DEFB119: variants seen among roughly 807,000 people sequenced by gnomAD.
DEFB119 encodes the protein beta-defensin 119.
A neutral mutation model predicts 2.5 loss-of-function variants in DEFB119; 3 were observed. That is an observed-to-expected ratio of 1.19 (90% CI 0.54 to 3.07). DEFB119 has a LOEUF of 3.07. Ranked by LOEUF, DEFB119 falls within the 30% of genes most tolerant of loss-of-function variation. The probability of loss-of-function intolerance (pLI) is 0.03; values close to 1 mark genes in which losing one functional copy is unlikely to be tolerated. For synonymous variants in DEFB119, 29 were observed against 33.7 expected (o/e 0.86, Z 0.48); for missense variants, 113 against 101.1 (o/e 1.12, Z -0.50).
chr20:31,378,239 AAC>A, intron 1 of DEFB119: 12 of 1,519,556 alleles, frequency 7.9e-6, no homozygotes, highest in Non-Finnish European at 1.1e-5. Flanking sequence ...ACACAGTAGT[AAC>A]AGGGCCACCA....
chr20:31,384,106 A>G (rs889584269), intron 1 of DEFB119, among the ~76,000 whole-genome samples: 6 of 152,220 alleles, frequency 3.9e-5, no homozygotes, highest in African/African-American at 1.4e-4. Context: ...ATACATTTAG[A>G]TATTTTCAAA....
In DEFB119 at chr20:31,390,522, G is replaced by C. The variant is rs1442293394; in HGVS notation, c.-39C>G. ...GAGAGGAGGAGGTGGCTGAGCTGCAGGGGAAGGAAATAGGGTTCCCTGCAG... is the reference window on the plus strand; with the variant it reads ...GAGAGGAGGAGGTGGCTGAGCTGCACGGGAAGGAAATAGGGTTCCCTGCAG... On this transcript the variant is annotated 5_prime_UTR_variant, in exon 1 of 2. Coordinates refer to ENST00000376321, the MANE Select transcript of DEFB119 (RefSeq NM_153289.4). 1 of 1,604,866 alleles carries C rather than the reference G, an allele frequency of 6.2e-7. No homozygotes were observed. Among genetic ancestry groups the C allele is most frequent in the Non-Finnish European group, 8.5e-7 (1 of 1,174,026 alleles).
chr20:31,383,795 A>T (rs1263606325), intron 1 of DEFB119, among the ~76,000 whole-genome samples: 1 of 151,954 alleles, frequency 6.6e-6, no homozygotes, highest in Non-Finnish European at 1.5e-5. Context: ...GTGAGCCGAG[A>T]TCCCACCACT....
intron 1 of DEFB119, among the ~76,000 whole-genome samples, chr20:31,384,537 A>G (rs1210331018): frequency 1.3e-5 from 2 of 152,244 alleles, no homozygotes; most frequent in Non-Finnish European, 2.9e-5. Context: ...TCTGAGAATC[A>G]AAGTGAAGGA....
At chr20:31,388,057 AAACT>A (rs1986778444) in intron 1 of DEFB119, 11 of 985,254 alleles carry the variant, frequency 1.1e-5, no homozygotes, top group Non-Finnish European at 1.2e-5. Context: ...TCAGGGTGAA[AAACT>A]AACTGTGTTG....
intron 1 of DEFB119, among the ~76,000 whole-genome samples, chr20:31,387,814 C>T (rs1040034693): frequency 2.0e-5 from 3 of 152,180 alleles, no homozygotes; most frequent in East Asian, 1.9e-4. Flanking sequence ...GGGAGGAGGG[C>T]AGGCAGAGGC....
chr20:31,384,464 A>G (rs1986616396), intron 1 of DEFB119, among the ~76,000 whole-genome samples: 1 of 152,210 alleles, frequency 6.6e-6, no homozygotes, highest in African/African-American at 2.4e-5. Flanking sequence ...TTAAGATAAA[A>G]AAAATTCACC....
In DEFB119 at chr20:31,386,106, C is replaced by T. The variant is rs554135877; in HGVS notation, c.61+4317G>A. ...GAGGGACAGTCATGGGAGGTGAAACCGGGTCACCACGTGAGGGCTTTGAAT... is the reference window on the plus strand; with the variant it reads ...GAGGGACAGTCATGGGAGGTGAAACTGGGTCACCACGTGAGGGCTTTGAAT... On this transcript the variant is annotated intron_variant, in intron 1 of 1. Transcript: ENST00000376321. Among the ~76,000 whole-genome samples the T allele has an allele frequency of 2.0e-4, 31 of 151,386 alleles. No homozygotes were observed. The South Asian group carries it at 6.5e-3, about 32-fold the overall frequency.
chr20:31,384,581 T>C (rs867740513), intron 1 of DEFB119, among the ~76,000 whole-genome samples: 2 of 152,168 alleles, frequency 1.3e-5, no homozygotes, highest in African/African-American at 2.4e-5. Context: ...CAAATCATAG[T>C]GGATGAGAGG....
At chr20:31,382,186 G>A (rs1433693335) in intron 1 of DEFB119, among the ~76,000 whole-genome samples, 1 of 152,150 alleles carries the variant, frequency 6.6e-6, no homozygotes, top group East Asian at 1.9e-4. Flanking sequence ...TCTGGGTGAA[G>A]AGTACACAGG....
At chr20:31,390,348 C>T in intron 1 of DEFB119, 75 bp downstream of exon 1, 1 of 1,381,106 alleles carries the variant, frequency 7.2e-7, no homozygotes, top group Non-Finnish European at 1.0e-6. Context: ...TCAGATGATG[C>T]CCACAGTGAG....
intron 1 of DEFB119, among the ~76,000 whole-genome samples, chr20:31,385,086 A>G (rs1413056658): frequency 6.6e-6 from 1 of 152,248 alleles, no homozygotes; most frequent in East Asian, 1.9e-4. Context: ...CTTAGACCCC[A>G]GGAATACAAA....
intron 1 of DEFB119, 42 bp downstream of exon 1, chr20:31,390,381 C>A: frequency 6.3e-7 from 1 of 1,578,526 alleles, no homozygotes; most frequent in South Asian, 1.1e-5. Flanking sequence ...GACGGGAAGC[C>A]CATGACCAGG....
rs141841649 is a variant in DEFB119, at chr20:31,377,251, G to A, written c.250C>T (p.Pro84Ser). The change falls in exon 2 of 2, where the codon CCT (proline) becomes TCT (serine). Residue 84 changes from proline (P) to serine (S), a missense_variant. Pro to Ser is a moderately conservative substitution (Grantham distance 74). Transcript: ENST00000376321. ...AGAATGGTAATCACCAGCACTCAAG[G>A]TAGTCTTGGCCACTGCTTCTCATAA... The part of the protein sequence containing the change: ...WSYEKQWPRL[P>S] 27 of 1,610,934 alleles carry A rather than the reference G, an allele frequency of 1.7e-5. No individual in the cohort carries two copies. In the African/African-American group the frequency reaches 2.8e-4, roughly 17 times the overall value.
In DEFB119 at chr20:31,377,332, G is replaced by A. The variant is rs768721823; in HGVS notation, c.169C>T (p.Leu57Phe). 1.9e-6 allele frequency: 3 copies of A among 1,614,194 alleles called. No homozygotes were observed. Among genetic ancestry groups the A allele is most frequent in the Non-Finnish European group, 2.5e-6 (3 of 1,180,024 alleles). Residue 57 changes from leucine (L) to phenylalanine (F), a missense_variant, in exon 2 of 2, where the codon CTC becomes TTC. Physicochemically the swap from Leu to Phe is conservative, Grantham distance 22. Transcript: ENST00000376321. ...LYCRNCQSCC[L>F]QSYMRISISG... ...ATGCTTATCCTCATGTAGGACTGGA[G>A]GCAGCAGGACTGACAATTTCTGCAA...
At chr20:31,389,080 G>A (rs759872582) in intron 1 of DEFB119, 1 of 1,614,210 alleles carries the variant, frequency 6.2e-7, no homozygotes, top group East Asian at 2.2e-5. Flanking sequence ...CATCTGAGGA[G>A]TGGTCCAGCC....
intron 1 of DEFB119, chr20:31,388,067 T>C (rs1986779177): frequency 1.0e-6 from 1 of 985,370 alleles, no homozygotes; most frequent in South Asian, 4.7e-5. Flanking sequence ...AAACTAACTG[T>C]GTTGGTTAAA....
At chr20:31,390,318 G>T (rs1443355418) in intron 1 of DEFB119, 105 bp downstream of exon 1, 9 of 1,064,664 alleles carry the variant, frequency 8.5e-6, no homozygotes, top group African/African-American at 1.6e-5. Context: ...TCCCGAAGCT[G>T]CAGGAGAGAA....
At chr20:31,385,374 C>CAAAAAAAAAAAAAAAAAAAAAAA (rs539118665) in intron 1 of DEFB119, among the ~76,000 whole-genome samples, 1 of 115,804 alleles carries the variant, frequency 8.6e-6, no homozygotes, top group Non-Finnish European at 1.7e-5. Context: ...TAACAAAAGA[C>CAAAAAAAAAAAAAAAAAAAAAAA]AAAAAAAAAA....
Sources: gnomAD v4.1 joint callset for allele counts (sites outside exome capture counted in the v4.1 genomes callset) on GRCh38, gnomAD v4.1.1 for gene constraint, MANE v1.5 for transcripts, NCBI Gene and HGNC (gene_info 2026-07-23, HGNC 2026-07-21) for gene names.